ITPR2: variants seen among roughly 807,000 people sequenced by gnomAD.
ITPR2 encodes inositol 1,4,5-trisphosphate receptor type 2.
ITPR2 carries 207 observed loss-of-function variants against 317.1 expected under a neutral mutation model. The observed-to-expected ratio is 0.65, with a 90% CI of 0.58 to 0.73. The LOEUF is 0.73. Ranked by LOEUF, ITPR2 falls within the 30% of genes least tolerant of loss-of-function variation. The probability of loss-of-function intolerance (pLI) is 0.00; values close to 1 mark genes in which losing one functional copy is unlikely to be tolerated. For missense variants in ITPR2, 2,613 were observed against 3,284.0 expected (o/e 0.80, Z 4.99); for synonymous variants, 1,156 against 1,149.1 (o/e 1.01, Z -0.12).
At chr12:26,789,251 A>C (rs1039324901) in intron 2 of ITPR2, among the ~76,000 whole-genome samples, 1 of 152,232 alleles carries the variant, frequency 6.6e-6, no homozygotes, top group Admixed American at 6.5e-5. Context: ...AGAGAAAATG[A>C]AATAAATAAA....
At chr12:26,747,596 GT>G (rs904484066) in intron 2 of ITPR2, among the ~76,000 whole-genome samples, 3 of 152,112 alleles carry the variant, frequency 2.0e-5, no homozygotes, top group Admixed American at 2.0e-4. Context: ...CTCTTGTTCT[GT>G]TTTTACTGCT....
chr12:26,340,123 A>C, intron 56 of ITPR2, 44 bp downstream of exon 56: 1 of 1,524,610 alleles, frequency 6.6e-7, no homozygotes, highest in Non-Finnish European at 8.8e-7. Context: ...GGAAGTGGTG[A>C]ATGACTTTAT....
intron 54 of ITPR2, among the ~76,000 whole-genome samples, chr12:26,391,704 A>T (rs1156557773): frequency 6.6e-6 from 1 of 151,578 alleles, no homozygotes; most frequent in East Asian, 1.9e-4. Flanking sequence ...AGCTGGGGTT[A>T]CAGGAATGTG....
At chr12:26,513,365 A>G (rs975946297) in intron 37 of ITPR2, among the ~76,000 whole-genome samples, 3 of 152,166 alleles carry the variant, frequency 2.0e-5, no homozygotes, top group African/African-American at 7.2e-5. Context: ...AAAAAAGAAT[A>G]TTAATATTCT....
At chr12:26,367,876 TTAGA>T (rs1274373113) in intron 55 of ITPR2, among the ~76,000 whole-genome samples, 1 of 152,208 alleles carries the variant, frequency 6.6e-6, no homozygotes, top group Admixed American at 6.5e-5. Flanking sequence ...CTAGTCCTTC[TTAGA>T]TAGTACTTCA....
chr12:26,785,188 C>T lies in ITPR2; in HGVS notation c.163+4969G>A, dbSNP rs1950203343. On this transcript the variant is annotated intron_variant, in intron 2 of 56. Transcript: ENST00000381340. ...GAGGGAGGTGGGGGGGGGTCAGCCC[C>T]CCGCCCGGCCAGCCGCCCCGTCCGG... Among the ~76,000 whole-genome samples, 2 of 35,572 alleles carry T rather than the reference C, an allele frequency of 5.6e-5. 1 individual carries two copies. The highest frequency in any genetic ancestry group is 1.3e-4 in the African/African-American group (2 of 15,312). 23.3% of individuals were successfully genotyped at this position (35,572 alleles called of 152,430 possible).
intron 10 of ITPR2, among the ~76,000 whole-genome samples, chr12:26,691,420 C>G (rs1948238476): frequency 6.6e-6 from 1 of 152,132 alleles, no homozygotes; most frequent in Non-Finnish European, 1.5e-5. Context: ...TACGACAGAA[C>G]TTAAACAGGT....
chr12:26,648,863 GAA>G (rs1183889371), intron 21 of ITPR2: 1 of 152,058 alleles, frequency 6.6e-6, no homozygotes, highest in South Asian at 2.1e-4. Flanking sequence ...GGAGATTCCA[GAA>G]AAGTGTTTCT....
At chr12:26,672,534 G>A (rs1292735348) in intron 13 of ITPR2, among the ~76,000 whole-genome samples, 1 of 150,432 alleles carries the variant, frequency 6.6e-6, no homozygotes, top group Non-Finnish European at 1.5e-5. Flanking sequence ...CAGAATCTCT[G>A]GGACACATTC....
In ITPR2 at chr12:26,743,617, G is replaced by A. The variant is rs193268384; in HGVS notation, c.164-17852C>T. 1.4e-4 allele frequency among the ~76,000 whole-genome samples: 22 copies of A among 152,182 alleles called. 1 individual carries two copies. Among genetic ancestry groups the A allele is most frequent in the Admixed American group, 1.4e-3 (22 of 15,298 alleles). ...ATTAAAAACCTCATGTCCAGGCCAG[G>A]TGCAGTGGCTCATGCCTGTAATCCC... On this transcript the variant is annotated intron_variant, in intron 2 of 56. Coordinates refer to ENST00000381340, the MANE Select transcript of ITPR2 (RefSeq NM_002223.4).
intron 9 of ITPR2, among the ~76,000 whole-genome samples, chr12:26,706,945 C>T (rs539854196): frequency 1.3e-5 from 2 of 152,166 alleles, no homozygotes; most frequent in Non-Finnish European, 2.9e-5. Context: ...TAGCAACTTA[C>T]ACAGGACCGC....
intron 33 of ITPR2, among the ~76,000 whole-genome samples, chr12:26,579,103 G>T (rs994613274): frequency 7.9e-5 from 12 of 152,058 alleles, no homozygotes; most frequent in African/African-American, 2.9e-4. Context: ...TGAAGCCAAT[G>T]ACATGAATAT....
At chr12:26,452,070 G>A (rs537683770) in intron 45 of ITPR2, among the ~76,000 whole-genome samples, 6 of 152,156 alleles carry the variant, frequency 3.9e-5, no homozygotes, top group South Asian at 4.1e-4. Flanking sequence ...CCGACCTCAA[G>A]CCTCCCAAAT....
At chr12:26,597,230 T>C in intron 30 of ITPR2, 96 bp from the exon 31 acceptor site, 1 of 1,321,948 alleles carries the variant, frequency 7.6e-7, no homozygotes, top group South Asian at 1.2e-5. Flanking sequence ...CGTATATCTC[T>C]TCGTAAAAAC....
rs201178294 is a variant in ITPR2 at position 26,425,671 on chromosome 12, G to GAA, written c.6945+2240_6945+2241dup. Among the ~76,000 whole-genome samples the GAA allele has an allele frequency of 9.4e-4, 109 of 116,310 alleles. 1 individual carries two copies. Among genetic ancestry groups the GAA allele is most frequent in the Middle Eastern group, 4.8e-3 (1 of 208 alleles). The allele number at this position is 116,310 out of a possible 152,430, so 76.3% of individuals were successfully genotyped here. On this transcript the variant is annotated intron_variant, in intron 49 of 56. Coordinates refer to ENST00000381340, the MANE Select transcript of ITPR2 (RefSeq NM_002223.4). ...ACAGAGTGAGACCCTGTCTAAAAAA[G>GAA]AAAAAAAAAAAAAACGCTCTGAGCT...
chr12:26,388,475 A>AT (rs1318812696), intron 54 of ITPR2, among the ~76,000 whole-genome samples: 2 of 151,908 alleles, frequency 1.3e-5, no homozygotes, highest in Admixed American at 6.6e-5. Context: ...TTATTTATTT[A>AT]TTTTTTTGAG....
chr12:26,448,308 T>A (rs778451936), intron 45 of ITPR2, among the ~76,000 whole-genome samples: 1 of 151,322 alleles, frequency 6.6e-6, no homozygotes, highest in African/African-American at 2.4e-5. Flanking sequence ...CAATCAATAT[T>A]AATGATAATG....
At chr12:26,438,545 T>C (rs1941413303) in intron 47 of ITPR2, among the ~76,000 whole-genome samples, 1 of 152,226 alleles carries the variant, frequency 6.6e-6, no homozygotes, top group African/African-American at 2.4e-5. Flanking sequence ...CAGTGTTTCC[T>C]AATAGACGTG....
rs116692580 is a variant in ITPR2, at chr12:26,481,053, T to A, written c.6123+78A>T. On this transcript the variant is annotated intron_variant, in intron 43 of 56. Coordinates refer to ENST00000381340, the MANE Select transcript of ITPR2 (RefSeq NM_002223.4). ...TTGATTAGTTGAAAACATGATAATA[T>A]GCTTTTGACAAGAGCTGCTTGAAGA... is the stretch of plus-strand genomic sequence containing the variant. 4,875 of 763,602 alleles carry A rather than the reference T, an allele frequency of 6.4e-3. 37 individuals are homozygous for A. Among genetic ancestry groups the A allele is most frequent in the African/African-American group, 0.018 (1,026 of 56,838 alleles). The allele number at this position is 763,602 out of a possible 1,614,324, so 47.3% of individuals were successfully genotyped here.
Sources: allele counts gnomAD v4.1 joint callset (sites outside exome capture counted in the v4.1 genomes callset), GRCh38; gene constraint gnomAD v4.1.1; transcripts MANE v1.5; gene names NCBI Gene and HGNC (gene_info 2026-07-23, HGNC 2026-07-21).